RGS22: variants seen among roughly 807,000 people sequenced by gnomAD.
The protein encoded by RGS22 is regulator of G protein signaling 22, also known as regulator of G-protein signaling 22.
In RGS22, 148 loss-of-function variants were observed where a neutral mutation model predicts 172.9. The observed-to-expected ratio is 0.86, with a 90% CI of 0.75 to 0.98. The LOEUF is 0.98. RGS22 is among the 50% of genes least tolerant of loss of function. RGS22 has a pLI of 0.00. For missense variants in RGS22, 1,347 were observed against 1,440.8 expected (o/e 0.93, Z 1.05); for synonymous variants, 458 against 480.2 (o/e 0.95, Z 0.60).
At chr8:100,008,073 T>C (rs1212697519) in intron 15 of RGS22, among the ~76,000 whole-genome samples, 1 of 151,866 alleles carries the variant, frequency 6.6e-6, no homozygotes, top group Non-Finnish European at 1.5e-5. Flanking sequence ...GTTTTGCTCT[T>C]GGCATCCAGG....
At chr8:100,042,335 A>G (rs1449231285) in intron 11 of RGS22, among the ~76,000 whole-genome samples, 2 of 152,214 alleles carry the variant, frequency 1.3e-5, no homozygotes, top group Non-Finnish European at 2.9e-5. Context: ...AGTGAGCAAT[A>G]AATGAAGGTA....
chr8:99,994,378 C>A (rs1035972677), intron 20 of RGS22, among the ~76,000 whole-genome samples: 2 of 152,182 alleles, frequency 1.3e-5, no homozygotes, highest in African/African-American at 4.8e-5. Context: ...GTCATCTCAG[C>A]CCAAAATCTC....
At chr8:100,088,547 A>G (rs780847960) in intron 3 of RGS22, among the ~76,000 whole-genome samples, 5 of 152,162 alleles carry the variant, frequency 3.3e-5, no homozygotes, top group Non-Finnish European at 4.4e-5. Flanking sequence ...AATGAAAACA[A>G]TATCTGAATG....
In RGS22 at chr8:100,072,195, T is replaced by A; in HGVS notation, c.375A>T (p.Lys125Asn). 6.2e-7 allele frequency: 1 copy of A among 1,605,582 alleles called. No individual in the cohort carries two copies. Residue 125 changes from lysine (K) to asparagine (N), a missense_variant, in exon 5 of 28, where the codon AAA (lysine) becomes AAT (asparagine). Coordinates refer to ENST00000360863, the MANE Select transcript of RGS22 (RefSeq NM_015668.5). ...CCAGAAATGCTGGAAGTCTTTCTTT[T>A]TTGATCCACTTAATACCTTCTTCAC... is the stretch of plus-strand genomic sequence containing the variant. ...LSREEGIKWI[K>N]KERLPAFLES...
chr8:100,070,049 C>A (rs3101334), intron 6 of RGS22, among the ~76,000 whole-genome samples: 40,648 of 99,084 alleles, frequency 0.41, 9,353 homozygotes, highest in Non-Finnish European at 0.5. Context: ...AAAAAAAAAA[C>A]AAAACAAAAC....
chr8:100,047,674 C>T (rs779765181), intron 10 of RGS22, 78 bp from the exon 11 acceptor site: 46 of 1,308,524 alleles, frequency 3.5e-5, no homozygotes, highest in Admixed American at 2.2e-4. Context: ...CAAATTTGTT[C>T]TCATCACTCG....
chr8:99,961,342 A>G (rs896135167), intron 27 of RGS22, 146 bp from the exon 28 acceptor site: 12 of 351,436 alleles, frequency 3.4e-5, no homozygotes, highest in African/African-American at 2.1e-4. Context: ...TGTAGTTCCC[A>G]TAATTCCCAC....
At chr8:99,982,671 A>G (rs1812674580) in intron 21 of RGS22, among the ~76,000 whole-genome samples, 1 of 152,232 alleles carries the variant, frequency 6.6e-6, no homozygotes, top group Non-Finnish European at 1.5e-5. Context: ...TAGGCTCAAA[A>G]AGGTACTGGG....
chr8:100,016,978 C>CTTTT lies in RGS22; in HGVS notation c.2167-8413_2167-8410dup, dbSNP rs71274949. On this transcript the variant is annotated intron_variant, in intron 14 of 27. Coordinates refer to ENST00000360863, the MANE Select transcript of RGS22 (RefSeq NM_015668.5). ...CCTACATCCCTGATTCCTTACCAGT[C>CTTTT]TTTTTTTTTTTTTTTTTTTTTTTTT... is the stretch of plus-strand genomic sequence containing the variant. 3.9e-4 allele frequency among the ~76,000 whole-genome samples: 14 copies of CTTTT among 36,132 alleles called. 5 individuals carry two copies. Among genetic ancestry groups the CTTTT allele is most frequent in the Non-Finnish European group, 5.0e-4 (9 of 17,902 alleles). The allele number at this position is 36,132 out of a possible 152,430, so 23.7% of individuals were successfully genotyped here.
chr8:99,999,451 T>C (rs778315074), intron 18 of RGS22, 31 bp from the exon 19 acceptor site: 11 of 1,605,224 alleles, frequency 6.9e-6, no homozygotes, highest in South Asian at 5.6e-5. Flanking sequence ...ACAGAAACTA[T>C]TGTGCTTTCT....
At chr8:99,972,520 T>A (rs1811471978) in intron 23 of RGS22, among the ~76,000 whole-genome samples, 2 of 151,270 alleles carry the variant, frequency 1.3e-5, no homozygotes, top group Non-Finnish European at 3.0e-5. Context: ...AGGTCTAATA[T>A]CCAGAATCTA....
At chr8:100,031,859 T>C (rs1414176943) in intron 14 of RGS22, among the ~76,000 whole-genome samples, 1 of 152,154 alleles carries the variant, frequency 6.6e-6, no homozygotes, top group African/African-American at 2.4e-5. Flanking sequence ...TGGGGGCCAA[T>C]ATTCAACGTT....
At chr8:100,048,855 C>T (rs775996562) in intron 10 of RGS22, among the ~76,000 whole-genome samples, 36 of 151,998 alleles carry the variant, frequency 2.4e-4, no homozygotes, top group Non-Finnish European at 4.1e-4. Context: ...GAGAGTTGGT[C>T]TTTAATGGGC....
intron 4 of RGS22, among the ~76,000 whole-genome samples, chr8:100,074,243 G>A (rs567726600): frequency 3.9e-5 from 6 of 152,276 alleles, no homozygotes; most frequent in African/African-American, 9.6e-5. Flanking sequence ...ACAAAGCATC[G>A]TTATCAGCCA....
intron 7 of RGS22, 116 bp from the exon 8 acceptor site, chr8:100,064,159 T>C: frequency 2.7e-6 from 2 of 729,444 alleles, no homozygotes; most frequent in Non-Finnish European, 2.0e-6. Flanking sequence ...AGTGACTGCA[T>C]GGACCGGTGT....
At position 100,063,593 on chromosome 8, in the gene RGS22, G is replaced by A. The variant is rs1810313161; in HGVS notation, c.1175C>T (p.Ala392Val). ...CCAGTCCGCCCTGCTCTCTGGTCCA[G>A]CGCTCTCATTCTTTGAACTTAAACT... ...QTSLSSKNES[A>V]GPESRADWCI... Residue 392 changes from alanine (A) to valine (V), a missense_variant, in exon 8 of 28, where the codon GCT becomes GTT. By Grantham distance (64) the Ala-to-Val change is moderately conservative. Transcript: ENST00000360863. 1 of 1,613,890 alleles carries A rather than the reference G, an allele frequency of 6.2e-7. No homozygotes were observed. Among genetic ancestry groups the A allele is most frequent in the African/African-American group, 1.3e-5 (1 of 74,902 alleles).
At chr8:100,092,089 C>G (rs1254573566) in intron 3 of RGS22, 1 of 151,530 alleles carries the variant, frequency 6.6e-6, no homozygotes, top group Admixed American at 6.6e-5. Flanking sequence ...TAAAACTAAT[C>G]TACACAAGAA....
chr8:100,055,470 A>G (rs1161763777), intron 9 of RGS22, among the ~76,000 whole-genome samples: 2 of 152,198 alleles, frequency 1.3e-5, no homozygotes, highest in African/African-American at 4.8e-5. Context: ...TTATATCACA[A>G]TACCCAAGTC....
chr8:100,029,055 T>A (rs1818484704), intron 14 of RGS22, among the ~76,000 whole-genome samples: 1 of 152,166 alleles, frequency 6.6e-6, no homozygotes, highest in Non-Finnish European at 1.5e-5. Flanking sequence ...GACACAGAAC[T>A]GAGGGTGGCC....
Sources: gnomAD v4.1 joint callset for allele counts (sites outside exome capture counted in the v4.1 genomes callset) on GRCh38, gnomAD v4.1.1 for gene constraint, MANE v1.5 for transcripts, NCBI Gene and HGNC (gene_info 2026-07-23, HGNC 2026-07-21) for gene names.